IL18RAP: variants seen among roughly 807,000 people sequenced by gnomAD.
The protein encoded by IL18RAP is interleukin 18 receptor accessory protein, also known as interleukin-18 receptor accessory protein.
Under a neutral mutation model 58.1 loss-of-function variants are expected in IL18RAP, and 37 were observed. The ratio of observed to expected loss-of-function variants is 0.64; its 90% CI spans 0.49 to 0.84. The LOEUF (loss-of-function observed/expected upper bound fraction) is 0.84. IL18RAP is among the 40% of genes least tolerant of loss of function. The probability of loss-of-function intolerance (pLI) is 0.00; values close to 1 mark genes in which losing one functional copy is unlikely to be tolerated. For synonymous variants in IL18RAP, 268 were observed against 257.5 expected, an observed-to-expected ratio of 1.04 and a Z score of -0.39; for missense variants, 667 against 704.8, an observed-to-expected ratio of 0.95 and a Z score of 0.61.
chr2:102,451,679 C>T (rs1683775518), intron 9 of IL18RAP, 87 bp from the exon 10 acceptor site: 2 of 1,100,126 alleles, frequency 1.8e-6, no homozygotes, highest in African/African-American at 1.6e-5. Context: ...CTCCCTTCCT[C>T]CTTATGTAAG....
At chr2:102,441,287 A>G (rs201393944) in intron 4 of IL18RAP, 25 bp from the exon 5 acceptor site, 2 of 1,597,962 alleles carry the variant, frequency 1.3e-6, no homozygotes, top group East Asian at 2.2e-5. Flanking sequence ...CAATGCAAAT[A>G]GTAATCTTTG....
In IL18RAP at chr2:102,441,321, C is replaced by T. The variant is rs1243282476; in HGVS notation, c.740C>T (p.Thr247Ile). The T allele has an allele frequency of 6.2e-7, 1 of 1,612,940 alleles. No homozygotes were observed. Residue 247 changes from threonine (T) to isoleucine (I), a missense_variant, in exon 5 of 10, where the codon ACT becomes ATT. Transcript: ENST00000687160. ...VVQVRTIVGD[T>I]KLKPDILDPV... Reference sequence around the variant, plus strand: ...TGTTTTCATCTTTCAGTGGGAGACACTAAACTCAAACCAGATATTCTGGAT... The same window carrying T: ...TGTTTTCATCTTTCAGTGGGAGACATTAAACTCAAACCAGATATTCTGGAT...
intron 8 of IL18RAP, among the ~76,000 whole-genome samples, chr2:102,448,443 G>A (rs972891748): frequency 6.6e-6 from 1 of 152,188 alleles, no homozygotes; most frequent in East Asian, 1.9e-4. Context: ...TGGAATAGAA[G>A]TCTTGCTTCT....
chr2:102,431,342 C>T (rs66566526), intron 3 of IL18RAP, among the ~76,000 whole-genome samples: 36,299 of 152,096 alleles, frequency 0.24, 4,796 homozygotes, highest in East Asian at 0.4. Context: ...TTGCTACTTT[C>T]AATATTCTTT....
At position 102,436,617 on chromosome 2, in the gene IL18RAP, C is replaced by T. The variant is rs192180864; in HGVS notation, c.580-595C>T. On this transcript the variant is annotated intron_variant, in intron 3 of 9. Coordinates refer to ENST00000687160, the MANE Select transcript of IL18RAP (RefSeq NM_001393487.1). ...GAAATTCCTCAATCAGAAAATAAAA[C>T]TCAGAACCAGAAAAAAATGAGGTTG... Among the ~76,000 whole-genome samples the T allele has an allele frequency of 3.1e-3, 465 of 152,018 alleles. 3 individuals are homozygous for T. Among genetic ancestry groups the T allele is most frequent in the Non-Finnish European group, 3.9e-3 (267 of 67,984 alleles).
At chr2:102,437,138 A>T in intron 3 of IL18RAP, 74 bp from the exon 4 acceptor site, 2 of 1,405,036 alleles carry the variant, frequency 1.4e-6, no homozygotes, top group Non-Finnish European at 9.7e-7. Context: ...AATTTGTAAG[A>T]TTTTTCTTTA....
chr2:102,437,214 T>C lies in IL18RAP; in HGVS notation c.582T>C (p.Asn194=). The change falls in exon 4 of 10, where the codon AAT becomes AAC. Residue 194 remains asparagine, a splice_region_variant and synonymous_variant. Coordinates refer to ENST00000687160, the MANE Select transcript of IL18RAP (RefSeq NM_001393487.1). The part of the protein sequence containing the change: ...AQSPAVTWYK[N]GKLLSVERSN... ...GCTTAAAATATCTTTTGGATTAGAA[T>C]GGAAAACTCCTCTCTGTGGAAAGGA... 2 of 1,607,648 alleles carry C rather than the reference T, an allele frequency of 1.2e-6. No homozygotes were observed. Among genetic ancestry groups the C allele is most frequent in the Non-Finnish European group, 8.5e-7 (1 of 1,177,916 alleles).
In IL18RAP at chr2:102,424,421, G is replaced by A. The variant is rs1431813732; in HGVS notation, c.579+7G>A. ...AGCGGTAACCTGGTACAAGGTAAGA[G>A]TGAATTCTCTAAAATTAATATAAGA... On this transcript the variant is annotated splice_region_variant and intron_variant, in intron 3 of 9. Coordinates refer to ENST00000687160, the MANE Select transcript of IL18RAP (RefSeq NM_001393487.1). 1.2e-6 allele frequency: 2 copies of A among 1,608,254 alleles called. No individual in the cohort carries two copies. Among genetic ancestry groups the A allele is most frequent in the East Asian group, 2.2e-5 (1 of 44,840 alleles).
Position 102,450,835 on chromosome 2 carries a change from T to G in IL18RAP, c.1211-13T>G. 6.4e-7 allele frequency: 1 copy of G among 1,552,628 alleles called. No individual in the cohort carries two copies. The highest frequency in any genetic ancestry group is 2.3e-5 in the East Asian group (1 of 44,054). On this transcript the variant is annotated splice_polypyrimidine_tract_variant and intron_variant, in intron 8 of 9. Coordinates refer to ENST00000687160, the MANE Select transcript of IL18RAP (RefSeq NM_001393487.1). ...AAATGACTTATGTTTTTATAAATTT[T>G]CCTATTCTTCAGATAAAAAGGATTT...
chr2:102,424,287 C>A lies in IL18RAP; in HGVS notation c.452C>A (p.Thr151Lys). 6 of 1,614,112 alleles carry A rather than the reference C, an allele frequency of 3.7e-6. No homozygotes were observed. Among genetic ancestry groups the A allele is most frequent in the Non-Finnish European group, 4.2e-6 (5 of 1,179,976 alleles). Residue 151 changes from threonine (T) to lysine (K), a missense_variant, in exon 3 of 10, where the codon ACA (threonine) becomes AAA (lysine). Physicochemically the swap from Thr to Lys is moderately conservative, Grantham distance 78. Coordinates refer to ENST00000687160, the MANE Select transcript of IL18RAP (RefSeq NM_001393487.1). The part of the protein sequence containing the change: ...VKMILEVKPQ[T>K]NASCEYSASH... ...ATGATTTTAGAAGTTAAGCCCCAGA[C>A]AAATGCATCCTGTGAGTATTCCGCA...
At chr2:102,425,109 A>AT (rs1681852352) in intron 3 of IL18RAP, among the ~76,000 whole-genome samples, 1 of 152,208 alleles carries the variant, frequency 6.6e-6, no homozygotes, top group African/African-American at 2.4e-5. Context: ...CTGTCAGTTG[A>AT]TTCTTGGGTG....
At chr2:102,426,660 A>G (rs984792759) in intron 3 of IL18RAP, among the ~76,000 whole-genome samples, 15 of 152,124 alleles carry the variant, frequency 9.9e-5, no homozygotes, top group Non-Finnish European at 2.1e-4. Flanking sequence ...ATGCAAAAAA[A>G]AGTATTGATG....
At chr2:102,429,162 G>T (rs1467484983) in intron 3 of IL18RAP, among the ~76,000 whole-genome samples, 1 of 151,726 alleles carries the variant, frequency 6.6e-6, no homozygotes, top group Non-Finnish European at 1.5e-5. Flanking sequence ...CAATTTTCTT[G>T]TACTGGCCTT....
intron 9 of IL18RAP, among the ~76,000 whole-genome samples, chr2:102,451,248 C>G (rs568000800): frequency 1.3e-5 from 2 of 152,222 alleles, no homozygotes; most frequent in African/African-American, 4.8e-5. Flanking sequence ...GGCAGTCCTT[C>G]TAGGACAAAG....
chr2:102,439,830 C>A (rs1301571914), intron 4 of IL18RAP: 3 of 152,072 alleles, frequency 2.0e-5, no homozygotes, highest in Non-Finnish European at 4.4e-5. Context: ...TTGGACAAGC[C>A]AGTCTGGAGA....
rs148255854 is a variant in IL18RAP, at chr2:102,429,032, G to T, written c.579+4618G>T. On this transcript the variant is annotated intron_variant, in intron 3 of 9. Coordinates refer to ENST00000687160, the MANE Select transcript of IL18RAP (RefSeq NM_001393487.1). Reference sequence around the variant, plus strand: ...GATTCATGTATATTGAAACATCCTTGCATCCCAGGGATAAATCCCACTTGA... The same window carrying T: ...GATTCATGTATATTGAAACATCCTTTCATCCCAGGGATAAATCCCACTTGA... Among the ~76,000 whole-genome samples the T allele has an allele frequency of 5.7e-4, 86 of 152,000 alleles. 2 individuals are homozygous for T. The East Asian group carries it at 0.013, about 22-fold the overall frequency.
At chr2:102,431,215 T>G (rs1201534462) in intron 3 of IL18RAP, among the ~76,000 whole-genome samples, 1 of 152,174 alleles carries the variant, frequency 6.6e-6, no homozygotes, top group Non-Finnish European at 1.5e-5. Flanking sequence ...TGTTTGGGTT[T>G]TTTTCCTTCA....
upstream of IL18RAP, among the ~76,000 whole-genome samples, chr2:102,422,868 A>T (rs1301828690): frequency 1.3e-5 from 2 of 152,190 alleles, no homozygotes; most frequent in Non-Finnish European, 2.9e-5. Context: ...GAAAAGTTAA[A>T]CATAACTCTT....
chr2:102,429,998 A>G (rs1682230826), intron 3 of IL18RAP, among the ~76,000 whole-genome samples: 1 of 152,004 alleles, frequency 6.6e-6, no homozygotes, highest in Non-Finnish European at 1.5e-5. Context: ...TCCTTCCTGG[A>G]AAATGTTCTA....
Sources: allele counts gnomAD v4.1 joint callset (sites outside exome capture counted in the v4.1 genomes callset), GRCh38; gene constraint gnomAD v4.1.1; transcripts MANE v1.5; gene names NCBI Gene and HGNC (gene_info 2026-07-23, HGNC 2026-07-21).